DLEU7: variants seen among roughly 807,000 people sequenced by gnomAD.
The protein encoded by DLEU7 is leukemia-associated protein 7.
In DLEU7, 17 loss-of-function variants were observed where a neutral mutation model predicts 16.0. That is an observed-to-expected ratio of 1.06 (90% CI 0.73 to 1.59). The LOEUF is 1.59. DLEU7 is among the 40% of genes most tolerant of loss of function. The probability of loss-of-function intolerance (pLI) is 0.00; values close to 1 mark genes in which losing one functional copy is unlikely to be tolerated. For missense variants in DLEU7, 308 were observed against 314.9 expected, an observed-to-expected ratio of 0.98 and a Z score of 0.17; for synonymous variants, 113 against 139.8, an observed-to-expected ratio of 0.81 and a Z score of 1.35.
chr13:50,772,827 G>A (rs1303275761), intron 1 of DLEU7, among the ~76,000 whole-genome samples: 1 of 152,004 alleles, frequency 6.6e-6, no homozygotes, highest in Non-Finnish European at 1.5e-5. Flanking sequence ...TGCCAGGTTG[G>A]GGAAGTTCTC....
chr13:50,843,328 G>C lies in DLEU7; in HGVS notation c.319C>G (p.Arg107Gly), dbSNP rs753265454. 1 of 1,490,476 alleles carries C rather than the reference G, an allele frequency of 6.7e-7. No homozygotes were observed. The highest frequency in any genetic ancestry group is 2.3e-5 in the Admixed American group (1 of 43,480). 92.3% of individuals were successfully genotyped at this position (1,490,476 alleles called of 1,614,324 possible). A position where few individuals can be genotyped will look rare whatever the true frequency, so the allele number is the denominator to read the frequency against. Residue 107 changes from arginine to glycine, a missense_variant, in exon 1 of 2, where the codon CGC (arginine) becomes GGC (glycine). Transcript: ENST00000504404. This position sits in a 1 kb window ranked among gnomAD's most constrained non-coding sequence, Gnocchi z 5.7. Reference sequence around the variant, plus strand: ...ATCTGGGCCAGGGTGCAGGGCCCGCGGTCCCGGGGGAAGGGCAGCAACTCG... The same window carrying C: ...ATCTGGGCCAGGGTGCAGGGCCCGCCGTCCCGGGGGAAGGGCAGCAACTCG... ...GAELLPFPRD[R>G]GPCTLAQMAM...
chr13:50,752,831 C>T (rs1874614669), intron 1 of DLEU7, among the ~76,000 whole-genome samples: 1 of 152,108 alleles, frequency 6.6e-6, no homozygotes, highest in African/African-American at 2.4e-5. Context: ...AAAGCTTCCA[C>T]AGTGTGGAAG....
intron 1 of DLEU7, among the ~76,000 whole-genome samples, chr13:50,811,237 G>A (rs1435790740): frequency 6.6e-6 from 1 of 152,118 alleles, no homozygotes; most frequent in Admixed American, 6.6e-5. Context: ...AAAGGGAAGT[G>A]CAAATTAGAA....
At chr13:50,828,320 T>C (rs79932901) in intron 1 of DLEU7, among the ~76,000 whole-genome samples, 2,416 of 152,270 alleles carry the variant, frequency 0.016, 61 homozygotes, top group African/African-American at 0.054. Flanking sequence ...AAAGACTCTA[T>C]CATGCAAATC....
intron 1 of DLEU7, among the ~76,000 whole-genome samples, chr13:50,797,043 T>C (rs867000340): frequency 1.1e-4 from 17 of 152,302 alleles, no homozygotes; most frequent in African/African-American, 3.4e-4. Flanking sequence ...AAAATGAAGA[T>C]GTATCACAGG....
intron 1 of DLEU7, among the ~76,000 whole-genome samples, chr13:50,744,310 A>T (rs952900031): frequency 1.3e-5 from 2 of 152,128 alleles, no homozygotes; most frequent in African/African-American, 4.8e-5. Context: ...GACTTTCTAC[A>T]GTTACTATCT....
At chr13:50,760,010 G>T (rs964229708) in intron 1 of DLEU7, among the ~76,000 whole-genome samples, 2 of 152,132 alleles carry the variant, frequency 1.3e-5, no homozygotes, top group Admixed American at 6.5e-5. Flanking sequence ...TGGTTCCATA[G>T]CAAATTGCTA....
intron 1 of DLEU7, among the ~76,000 whole-genome samples, chr13:50,797,452 A>G (rs1224801758): frequency 6.6e-6 from 1 of 152,238 alleles, no homozygotes; most frequent in Non-Finnish European, 1.5e-5. Context: ...AGCAGCACGT[A>G]CAAGAAGTGT....
intron 1 of DLEU7, among the ~76,000 whole-genome samples, chr13:50,789,689 A>G (rs2137772232): frequency 6.6e-6 from 1 of 152,258 alleles, no homozygotes; most frequent in Middle Eastern, 3.4e-3. Context: ...ATACATCATC[A>G]TTATGAAATT....
intron 1 of DLEU7, among the ~76,000 whole-genome samples, chr13:50,797,385 A>G (rs558275371): frequency 3.3e-5 from 5 of 152,314 alleles, no homozygotes; most frequent in African/African-American, 1.2e-4. Flanking sequence ...ACGTGCTAAT[A>G]TAATAAGGGT....
chr13:50,830,475 G>A (rs1877227960), intron 1 of DLEU7, among the ~76,000 whole-genome samples: 1 of 152,110 alleles, frequency 6.6e-6, no homozygotes, highest in African/African-American at 2.4e-5. Flanking sequence ...TGAGGGCTAT[G>A]GTAAAAACAC....
intron 1 of DLEU7, among the ~76,000 whole-genome samples, chr13:50,784,168 T>C (rs1448591019): frequency 1.3e-5 from 2 of 152,246 alleles, no homozygotes; most frequent in African/African-American, 4.8e-5. Flanking sequence ...TTTTGGGTTA[T>C]TGATGTGCTC....
At chr13:50,751,776 A>C (rs540631456) in intron 1 of DLEU7, among the ~76,000 whole-genome samples, 15 of 152,246 alleles carry the variant, frequency 9.9e-5, no homozygotes, top group Non-Finnish European at 1.8e-4. Context: ...GTCAGTTATA[A>C]TATCTCCCAT....
At chr13:50,733,936 C>G (rs1437896434) in intron 1 of DLEU7, among the ~76,000 whole-genome samples, 1 of 152,196 alleles carries the variant, frequency 6.6e-6, no homozygotes, top group Admixed American at 6.5e-5. Context: ...GATTCCGACT[C>G]TGATATATTG....
intron 1 of DLEU7, among the ~76,000 whole-genome samples, chr13:50,784,876 A>G (rs1161190548): frequency 6.6e-6 from 1 of 152,244 alleles, no homozygotes; most frequent in African/African-American, 2.4e-5. Context: ...GCTGTCAGTT[A>G]TCAACCTGAA....
At chr13:50,754,667 A>G (rs1566239652) in intron 1 of DLEU7, among the ~76,000 whole-genome samples, 2 of 152,192 alleles carry the variant, frequency 1.3e-5, no homozygotes, top group Admixed American at 6.5e-5. Context: ...TAAGCCATTA[A>G]CATCCAGTGT....
intron 1 of DLEU7, among the ~76,000 whole-genome samples, chr13:50,815,933 C>A (rs1407955405): frequency 6.6e-6 from 1 of 150,538 alleles, no homozygotes; most frequent in African/African-American, 2.4e-5. Flanking sequence ...TGAGGGGGGG[C>A]TGCAGAAAAG....
intron 1 of DLEU7, among the ~76,000 whole-genome samples, chr13:50,767,168 A>G (rs892443291): frequency 3.9e-5 from 6 of 152,176 alleles, no homozygotes; most frequent in Admixed American, 6.5e-5. Flanking sequence ...TCAAAACTCC[A>G]GACGTGGCCG....
intron 1 of DLEU7, among the ~76,000 whole-genome samples, chr13:50,827,655 C>G (rs1429744686): frequency 1.3e-5 from 2 of 152,076 alleles, no homozygotes; most frequent in African/African-American, 4.8e-5. Context: ...CCATTGCTCT[C>G]CAGCCTGGGC....
Sources: allele counts gnomAD v4.1 joint callset (sites outside exome capture counted in the v4.1 genomes callset), GRCh38; gene constraint gnomAD v4.1.1; non-coding constraint Gnocchi (gnomAD v3.1); transcripts MANE v1.5; gene names NCBI Gene and HGNC (gene_info 2026-07-23, HGNC 2026-07-21).